Variants in IP6K1 observed in about 807,000 individuals in gnomAD.
IP6K1 encodes inositol hexakisphosphate kinase 1.
In IP6K1, 13 loss-of-function variants were observed where a neutral mutation model predicts 38.3. The ratio of observed to expected loss-of-function variants is 0.34; its 90% confidence interval spans 0.22 to 0.54. The LOEUF (loss-of-function observed/expected upper bound fraction) is 0.54. IP6K1 is among the 20% of genes least tolerant of loss of function. IP6K1 has a pLI of 0.92. For missense variants in IP6K1, 397 were observed against 599.8 expected, an observed-to-expected ratio of 0.66 and a Z score of 3.53; for synonymous variants, 212 against 229.9, an observed-to-expected ratio of 0.92 and a Z score of 0.70.
At chr3:49,755,003 C>A (rs1465436953) in intron 1 of IP6K1, among the ~76,000 whole-genome samples, 1 of 150,336 alleles carries the variant, frequency 6.7e-6, no homozygotes, top group Non-Finnish European at 1.5e-5. Context: ...TTCACTACAT[C>A]ACTACAGCCT....
intron 2 of IP6K1, among the ~76,000 whole-genome samples, chr3:49,742,386 A>T (rs1307611903): frequency 6.6e-6 from 1 of 151,964 alleles, no homozygotes; most frequent in African/African-American, 2.4e-5. Flanking sequence ...TGTCTCTACT[A>T]AAAATACAAA....
At chr3:49,760,164 G>A (rs1001065729) in intron 1 of IP6K1, among the ~76,000 whole-genome samples, 1 of 152,092 alleles carries the variant, frequency 6.6e-6, no homozygotes, top group Non-Finnish European at 1.5e-5. Context: ...CCAAAGTGCT[G>A]CAATTATAGG....
intron 1 of IP6K1, among the ~76,000 whole-genome samples, chr3:49,777,459 A>G (rs1475592785): frequency 1.3e-5 from 2 of 151,920 alleles, no homozygotes; most frequent in Non-Finnish European, 2.9e-5. Context: ...GCTACTCGGG[A>G]GGCTGAGGCA....
intron 1 of IP6K1, among the ~76,000 whole-genome samples, chr3:49,785,119 C>G (rs1451871862): frequency 1.3e-5 from 2 of 152,132 alleles, no homozygotes; most frequent in Non-Finnish European, 2.9e-5. Flanking sequence ...TCTTCCTAGA[C>G]CTGCACACTC....
rs185566500 is a variant in IP6K1 at position 49,751,224 on chromosome 3, C to T, written c.-128-3056G>A. Among the ~76,000 whole-genome samples the T allele has an allele frequency of 2.4e-3, 366 of 152,068 alleles. 4 individuals carry two copies. Among genetic ancestry groups the T allele is most frequent in the African/African-American group, 8.4e-3 (348 of 41,444 alleles). ...AGGCTGGAGTGCAGTGGCGCGATCT[C>T]GGCTCACTGCAACCTCTGCCTCCAG... On this transcript the variant is annotated intron_variant, in intron 1 of 5. Coordinates refer to ENST00000321599, the MANE Select transcript of IP6K1 (RefSeq NM_153273.4).
rs34207764 is a variant in IP6K1 at position 49,765,478 on chromosome 3, T to TAAAAA, written c.-128-17315_-128-17311dup. Among the ~76,000 whole-genome samples the TAAAAA allele has an allele frequency of 4.6e-5, 5 of 108,456 alleles. No individual in the cohort carries two copies. The South Asian group carries it at 1.2e-3, about 25-fold the overall frequency. The allele number at this position is 108,456 out of a possible 152,430, so 71.2% of individuals were successfully genotyped here. On this transcript the variant is annotated intron_variant, in intron 1 of 5. Transcript: ENST00000321599. ...AACATGGTCAAACTCTGTTTCTACTTAAAAAAAAAAAAAAAAAAAAAATTA... is the reference window on the plus strand; with the variant it reads ...AACATGGTCAAACTCTGTTTCTACTTAAAAAAAAAAAAAAAAAAAAAAAAAAATTA...
intron 1 of IP6K1, among the ~76,000 whole-genome samples, chr3:49,776,308 G>C: frequency 6.6e-6 from 1 of 152,038 alleles, no homozygotes; most frequent in East Asian, 1.9e-4. Flanking sequence ...CTTGAAGCCA[G>C]GAGCTCGAGG....
chr3:49,728,956 A>AT (rs11433643), intron 4 of IP6K1, among the ~76,000 whole-genome samples: 73,597 of 143,342 alleles, frequency 0.51, 19,256 homozygotes, highest in East Asian at 0.82. Flanking sequence ...GGCATGCCTA[A>AT]TTTTTTTTTT....
At chr3:49,779,418 C>T (rs2081046330) in intron 1 of IP6K1, among the ~76,000 whole-genome samples, 1 of 152,094 alleles carries the variant, frequency 6.6e-6, no homozygotes, top group African/African-American at 2.4e-5. Context: ...ATAATGCTGC[C>T]ATAAACATTC....
chr3:49,775,831 GA>G (rs1186560052), intron 1 of IP6K1, among the ~76,000 whole-genome samples: 1 of 152,042 alleles, frequency 6.6e-6, no homozygotes, highest in African/African-American at 2.4e-5. Context: ...CTGTATTGGA[GA>G]AAAATTGATA....
intron 1 of IP6K1, 133 bp downstream of exon 1, chr3:49,786,221 G>A (rs2081112022): frequency 6.6e-6 from 1 of 152,240 alleles, no homozygotes; most frequent in Non-Finnish European, 1.5e-5. Flanking sequence ...GGCCGGTCAG[G>A]ACGCTCGAGC....
chr3:49,743,605 AGTTTTTTTTTTTT>A (rs1307141588), intron 2 of IP6K1, among the ~76,000 whole-genome samples: 15 of 137,614 alleles, frequency 1.1e-4, no homozygotes, highest in African/African-American at 3.7e-4. Flanking sequence ...CTTGAGCCAT[AGTTTTTTTTTTTT>A]GTTTTTTTTT....
chr3:49,780,306 T>TCACACACACACACA (rs1405695613), intron 1 of IP6K1, among the ~76,000 whole-genome samples: 361 of 10,858 alleles, frequency 0.033, 2 homozygotes, highest in African/African-American at 0.059. Context: ...TTATCATCTT[T>TCACACACACACACA]CATACACACA....
chr3:49,769,730 T>C (rs2080942053), intron 1 of IP6K1, among the ~76,000 whole-genome samples: 1 of 152,224 alleles, frequency 6.6e-6, no homozygotes, highest in South Asian at 2.1e-4. Flanking sequence ...GTTTCTTCCT[T>C]ACTTTGTCTT....
chr3:49,772,620 C>T (rs775164436), intron 1 of IP6K1, among the ~76,000 whole-genome samples: 1 of 152,002 alleles, frequency 6.6e-6, no homozygotes, highest in African/African-American at 2.4e-5. Flanking sequence ...CCAGGCTGGT[C>T]TCAAACTCCT....
At chr3:49,737,895 G>A (rs1336378106) in intron 3 of IP6K1, among the ~76,000 whole-genome samples, 2 of 152,282 alleles carry the variant, frequency 1.3e-5, no homozygotes, top group South Asian at 2.1e-4. Flanking sequence ...ACGAACTAAT[G>A]TATTTCAACC....
intron 1 of IP6K1, among the ~76,000 whole-genome samples, chr3:49,771,199 A>C (rs1434465905): frequency 6.7e-6 from 1 of 149,676 alleles, no homozygotes; most frequent in Non-Finnish European, 1.5e-5. Flanking sequence ...AAAAAAAAAA[A>C]AAAAAAAAAA....
intron 1 of IP6K1, chr3:49,775,532 C>T (rs1559715857): frequency 9.7e-7 from 1 of 1,036,174 alleles, no homozygotes; most frequent in East Asian, 3.0e-5. Flanking sequence ...ATAGAGATGG[C>T]TGCCCAAAGA....
chr3:49,746,320 T>G (rs1313875071), intron 2 of IP6K1, among the ~76,000 whole-genome samples: 1 of 150,642 alleles, frequency 6.6e-6, no homozygotes, highest in East Asian at 2.0e-4. Context: ...CATCAACAGA[T>G]GAATGAATAA....
Sources: allele counts gnomAD v4.1 joint callset (sites outside exome capture counted in the v4.1 genomes callset), GRCh38; gene constraint gnomAD v4.1.1; transcripts MANE v1.5; gene names NCBI Gene and HGNC (gene_info 2026-07-23, HGNC 2026-07-21).